Variants in KRT26 observed in about 807,000 individuals in gnomAD.
KRT26 encodes keratin, type I cytoskeletal 26.
KRT26 carries 45 observed loss-of-function variants against 46.1 expected under a neutral mutation model. The ratio of observed to expected loss-of-function variants is 0.98; its 90% CI spans 0.77 to 1.25. The LOEUF (loss-of-function observed/expected upper bound fraction) is 1.25. Among genes scored for constraint, KRT26 ranks in the 50% most tolerant of loss-of-function variants. The pLI, the probability that KRT26 is intolerant of heterozygous loss-of-function variation, is 0.00. For missense variants in KRT26, 582 were observed against 560.1 expected (o/e 1.04, Z -0.39); for synonymous variants, 191 against 209.9 (o/e 0.91, Z 0.78).
chr17:40,767,033 C>T (rs1055865148), intron 7 of KRT26, among the ~76,000 whole-genome samples: 2 of 152,164 alleles, frequency 1.3e-5, no homozygotes, highest in African/African-American at 4.8e-5. Context: ...AGCCACTGCA[C>T]CTTTTAAAAA....
exon 6 of KRT26, chr17:40,768,972 CCTT>C (rs1363055043): frequency 1.2e-6 from 2 of 1,613,186 alleles, no homozygotes; most frequent in African/African-American, 1.3e-5. Context: ...CAGCTTCTGG[CCTT>C]CTGTTTCTGT....
At chr17:40,769,622 A>G (rs2038201797) in intron 5 of KRT26, 132 bp downstream of exon 5, 1 of 944,660 alleles carries the variant, frequency 1.1e-6, no homozygotes, top group African/African-American at 1.7e-5. Flanking sequence ...AGAATTCTTG[A>G]TATTTAATAT....
chr17:40,772,058 C>G (rs1276715540), exon 1 of KRT26: 4 of 1,614,044 alleles, frequency 2.5e-6, no homozygotes, highest in Non-Finnish European at 3.4e-6. Flanking sequence ...GGACAGCCTA[C>G]CAGACCCAGT....
At chr17:40,771,174 G>T (rs138515308) in exon 2 of KRT26, 1 of 1,599,604 alleles carries the variant, frequency 6.3e-7, no homozygotes, top group Non-Finnish European at 8.5e-7. Flanking sequence ...AGTCATCAGC[G>T]GTCAGTCTGG....
chr17:40,771,878 A>G, exon 1 of KRT26: 1 of 1,614,104 alleles, frequency 6.2e-7, no homozygotes, highest in Non-Finnish European at 8.5e-7. Context: ...ATTCCCAGAG[A>G]GGAGGCTGTG....
exon 2 of KRT26, chr17:40,771,198 T>C: frequency 1.2e-6 from 2 of 1,608,618 alleles, no homozygotes; most frequent in Non-Finnish European, 1.7e-6. Flanking sequence ...TGTCATTTTG[T>C]AGAACAATGC....
exon 4 of KRT26, chr17:40,770,099 T>C: frequency 6.2e-7 from 1 of 1,614,210 alleles, no homozygotes; most frequent in Non-Finnish European, 8.5e-7. Flanking sequence ...TCCCCCCAGC[T>C]GTATATTGCA....
exon 7 of KRT26, chr17:40,767,642 G>A (rs750060535): frequency 1.9e-6 from 3 of 1,605,690 alleles, no homozygotes; most frequent in Admixed American, 3.4e-5. Flanking sequence ...GTAACATGTG[G>A]ATTTGCTTTT....
chr17:40,771,527 TGCCAGGTACTG>T, intron 1 of KRT26, 135 bp downstream of exon 1: 1 of 679,588 alleles, frequency 1.5e-6, no homozygotes, highest in Non-Finnish European at 2.4e-6. Context: ...AAGATTTTAT[TGCCAGGTACTG>T]TGCTTAGCAC....
At chr17:40,769,902 G>A (rs1244309601) in intron 4 of KRT26, 23 bp from the exon 5 acceptor site, 6 of 1,614,122 alleles carry the variant, frequency 3.7e-6, no homozygotes, top group East Asian at 2.2e-5. Flanking sequence ...TGTCGAAAGG[G>A]TTAGTGACTG....
At position 40,767,617 on chromosome 17, in the gene KRT26, G is replaced by C. The variant is rs756757058; in HGVS notation, c.1224C>G (p.Tyr408Ter). 1 of 1,606,908 alleles carries C rather than the reference G, an allele frequency of 6.2e-7. No individual in the cohort carries two copies. Among genetic ancestry groups the C allele is most frequent in the Non-Finnish European group, 8.5e-7 (1 of 1,177,210 alleles). ...CTTGATTTCCAGAATTCACAGGCCT[G>C]TATCCTTTTGATTTGTAACATGTGG... The change falls in exon 7 of 8, where the codon TAC (tyrosine) becomes TAG (stop). Residue 408 changes from tyrosine to a stop codon, truncating the protein, a stop_gained. Coordinates refer to ENST00000335552, the Ensembl canonical transcript of KRT26. LOFTEE classifies it low-confidence loss of function (END_TRUNC).
Position 40,769,003 on chromosome 17 carries a change from G to A in KRT26, c.1063C>T (p.Gln355Ter), listed in dbSNP as rs1476360479. 3.1e-6 allele frequency: 5 copies of A among 1,613,768 alleles called. No homozygotes were observed. The highest frequency in any genetic ancestry group is 1.7e-5 in the Admixed American group (1 of 60,004). The change falls in exon 6 of 8, where the codon CAA becomes TAA. Residue 355 changes from glutamine to a stop codon, truncating the protein, a stop_gained. Transcript: ENST00000335552. LOFTEE classifies it high-confidence loss of function. ...GTTTCTGTTCGAATCTGTTGCAGTTGTTCCTCCATCACCCCTATCTGATCC... is the reference window on the plus strand; with the variant it reads ...GTTTCTGTTCGAATCTGTTGCAGTTATTCCTCCATCACCCCTATCTGATCC...
In KRT26 at chr17:40,772,128, C is replaced by T. The variant is rs201482924; in HGVS notation, c.-15G>A. 6.5e-4 allele frequency: 1,048 copies of T among 1,609,102 alleles called. 17 individuals are homozygous for T. In the Middle Eastern group the frequency reaches 0.021, roughly 32 times the overall value. On this transcript the variant is annotated 5_prime_UTR_variant, in exon 1 of 8. Coordinates refer to ENST00000335552, the Ensembl canonical transcript of KRT26. ...CGAAAAGACATGGTGGCAGCACAGC[C>T]GGGCAACCCCTTCCCAGAAAGAGGA...
In KRT26 at chr17:40,767,573, A is replaced by T. The variant is rs765570976; in HGVS notation, c.1255+13T>A. 2.6e-6 allele frequency: 4 copies of T among 1,558,934 alleles called. No individual in the cohort carries two copies. The highest frequency in any genetic ancestry group is 2.4e-5 in the South Asian group (2 of 81,888). ...TTAAGGAGTTACACCAGGTAAAAAA[A>T]ATCTATCTATACCTTTGGCTTGATT... On this transcript the variant is annotated intron_variant, in intron 7 of 7. Coordinates refer to ENST00000335552, the Ensembl canonical transcript of KRT26.
At position 40,770,244 on chromosome 17, in the gene KRT26, C is replaced by T. The variant is rs370068988; in HGVS notation, c.681+9G>A. 1.2e-4 allele frequency: 190 copies of T among 1,614,150 alleles called. No homozygotes were observed. In the African/African-American group the frequency reaches 2.3e-3, roughly 19 times the overall value. ...AAACTGTATGAAGCCACTCTGCAGG[C>T]TTCCTTACCTCCTCATGACTTTTTT... On this transcript the variant is annotated intron_variant, in intron 3 of 7. Transcript: ENST00000335552.
chr17:40,767,792 T>C, intron 6 of KRT26, 139 bp from the exon 7 acceptor site: 1 of 501,922 alleles, frequency 2.0e-6, no homozygotes, highest in Non-Finnish European at 3.5e-6. Context: ...AGGACATTAA[T>C]AAGCTTTTCA....
chr17:40,766,784 G>A (rs2038176009), intron 7 of KRT26, 118 bp from the exon 8 acceptor site: 5 of 675,888 alleles, frequency 7.4e-6, no homozygotes, highest in African/African-American at 3.6e-5. Context: ...CTGTCACCCA[G>A]GCTGGAGTGC....
chr17:40,770,147 C>A (rs376174988), intron 3 of KRT26, 25 bp from the exon 4 acceptor site: 51 of 1,613,890 alleles, frequency 3.2e-5, no homozygotes, highest in Non-Finnish European at 4.0e-5. Flanking sequence ...GGTATTCATC[C>A]TCAGTGGAGG....
intron 7 of KRT26, 30 bp from the exon 8 acceptor site, chr17:40,766,696 T>C (rs765764226): frequency 1.3e-6 from 2 of 1,543,640 alleles, no homozygotes; most frequent in East Asian, 4.5e-5. Context: ...ACATTAGTGG[T>C]CATTTTTTAA....
Sources: allele counts gnomAD v4.1 joint callset (sites outside exome capture counted in the v4.1 genomes callset), GRCh38; gene constraint gnomAD v4.1.1; transcripts MANE v1.5; gene names NCBI Gene and HGNC (gene_info 2026-07-23, HGNC 2026-07-21).